Variants in BLTP3B observed in about 807,000 individuals in gnomAD.
BLTP3B encodes the protein bridge-like lipid transfer protein family member 3B, also known as UHRF1 (ICBP90) binding protein 1-like.
At chr12:100,072,535 T>C in the BLTP3B span, 3 of 774,606 alleles carry the variant, frequency 3.9e-6, no homozygotes, top group South Asian at 7.3e-5. Flanking sequence ...AGTGAGATGC[T>C]AGCTCTCAAA....
the BLTP3B span, among the ~76,000 whole-genome samples, chr12:100,130,477 AG>A: frequency 6.6e-6 from 1 of 152,250 alleles, no homozygotes. Flanking sequence ...AAGTACTGGT[AG>A]GAATGAACAA....
chr12:100,106,412 A>C, the BLTP3B span, among the ~76,000 whole-genome samples: 1 of 152,228 alleles, frequency 6.6e-6, no homozygotes, highest in Non-Finnish European at 1.5e-5. Context: ...ATACCATGGA[A>C]TACTACTCAG....
At chr12:100,050,128 A>C in the BLTP3B span, 1 of 1,421,800 alleles carries the variant, frequency 7.0e-7, no homozygotes. Context: ...AAACATATTA[A>C]ACCATTGTAT....
chr12:100,111,640 C>G, the BLTP3B span, among the ~76,000 whole-genome samples: 1 of 151,972 alleles, frequency 6.6e-6, no homozygotes, highest in African/African-American at 2.4e-5. Context: ...CAGTCTTGCT[C>G]TGTCACCCAG....
the BLTP3B span, among the ~76,000 whole-genome samples, chr12:100,082,549 A>G: frequency 6.6e-6 from 1 of 152,138 alleles, no homozygotes; most frequent in Non-Finnish European, 1.5e-5. Flanking sequence ...CTTTCATTTC[A>G]TCTTGAGTTA....
At chr12:100,048,981 C>T in the BLTP3B span, among the ~76,000 whole-genome samples, 1 of 152,088 alleles carries the variant, frequency 6.6e-6, no homozygotes, top group Non-Finnish European at 1.5e-5. Context: ...TACTTGTAAA[C>T]TCACACTCAG....
the BLTP3B span, among the ~76,000 whole-genome samples, chr12:100,078,485 G>A: frequency 1.3e-5 from 2 of 152,146 alleles, no homozygotes; most frequent in Non-Finnish European, 2.9e-5. Context: ...CACCACAGCT[G>A]ATAGTTTATG....
chr12:100,102,659 A>C, the BLTP3B span: 1 of 731,194 alleles, frequency 1.4e-6, no homozygotes, highest in South Asian at 1.9e-5. Flanking sequence ...AAAATGTTTG[A>C]TGGGAGAGCT....
the BLTP3B span, among the ~76,000 whole-genome samples, chr12:100,061,481 C>T: frequency 3.9e-5 from 6 of 152,064 alleles, no homozygotes; most frequent in African/African-American, 1.2e-4. Context: ...CACAGTGAAA[C>T]CCCGTCTCTA....
the BLTP3B span, chr12:100,092,640 T>C: frequency 6.5e-6 from 1 of 152,736 alleles, no homozygotes; most frequent in South Asian, 2.1e-4. Flanking sequence ...TTTCCTAATA[T>C]ATATGTATCT....
At chr12:100,088,436 GA>G in the BLTP3B span, among the ~76,000 whole-genome samples, 1 of 152,146 alleles carries the variant, frequency 6.6e-6, no homozygotes, top group African/African-American at 2.4e-5. Flanking sequence ...TCAAATTTTG[GA>G]AGGATGGGAA....
chr12:100,136,414 T>C, the BLTP3B span, among the ~76,000 whole-genome samples: 3 of 152,318 alleles, frequency 2.0e-5, no homozygotes, highest in South Asian at 2.1e-4. Context: ...TTAGTGATCC[T>C]ACTCATGCTT....
chr12:100,090,707 C>T, the BLTP3B span, among the ~76,000 whole-genome samples: 1 of 151,976 alleles, frequency 6.6e-6, no homozygotes, highest in Non-Finnish European at 1.5e-5. Context: ...AGCTGTAAAA[C>T]GTTAAATACT....
chr12:100,134,320 T>C, the BLTP3B span, among the ~76,000 whole-genome samples: 1 of 152,114 alleles, frequency 6.6e-6, no homozygotes, highest in Non-Finnish European at 1.5e-5. Context: ...TATCTAACAT[T>C]TGGGCTGGGC....
At chr12:100,050,025 A>T in the BLTP3B span, 1 of 829,208 alleles carries the variant, frequency 1.2e-6, no homozygotes, top group East Asian at 3.0e-5. Context: ...ACTATAGAAA[A>T]AACCACTAAC....
At chr12:100,059,513 C>T in the BLTP3B span, 1 of 1,599,470 alleles carries the variant, frequency 6.3e-7, no homozygotes, top group Non-Finnish European at 8.5e-7. Context: ...ATTCAGATTT[C>T]ACTTCAGAAG....
chr12:100,142,307 ACGCCGCGCCGGGAGCGATCCCAGCC>A, the BLTP3B span, among the ~76,000 whole-genome samples: 9 of 152,108 alleles, frequency 5.9e-5, no homozygotes, highest in African/African-American at 2.2e-4. Flanking sequence ...ACGCCCCCAG[ACGCCGCGCCGGGAGCGATCCCAGCC>A]CGCCGCGCTC....
chr12:100,070,582 G>T, the BLTP3B span, among the ~76,000 whole-genome samples: 1 of 152,108 alleles, frequency 6.6e-6, no homozygotes, highest in African/African-American at 2.4e-5. Context: ...ACCCAAACTA[G>T]GAATAAAGCA....
At chr12:100,130,678 G>A in the BLTP3B span, among the ~76,000 whole-genome samples, 12 of 152,246 alleles carry the variant, frequency 7.9e-5, no homozygotes, top group African/African-American at 2.9e-4. Context: ...CACTTTGGGA[G>A]GCCAAGGCAG....
Sources: gnomAD v4.1 joint callset for allele counts (sites outside exome capture counted in the v4.1 genomes callset) on GRCh38, gnomAD v4.1.1 for gene constraint, MANE v1.5 for transcripts, NCBI Gene and HGNC (gene_info 2026-07-23, HGNC 2026-07-21) for gene names.